DLC1: variants seen among roughly 807,000 people sequenced by gnomAD.
DLC1 encodes rho GTPase-activating protein 7.
In DLC1, 54 loss-of-function variants were observed where a neutral mutation model predicts 140.3. The observed-to-expected ratio is 0.38, with a 90% CI of 0.31 to 0.48. The LOEUF is 0.48. Among genes scored for constraint, DLC1 ranks in the 20% least tolerant of loss-of-function variants. DLC1 has a pLI of 0.96. For missense variants in DLC1, 2,536 were observed against 1,907.0 expected, an observed-to-expected ratio of 1.33 and a Z score of -6.14; for synonymous variants, 986 against 728.1, an observed-to-expected ratio of 1.35 and a Z score of -5.70.
intron 5 of DLC1, among the ~76,000 whole-genome samples, chr8:13,250,898 A>AT (rs1829974580): frequency 6.6e-6 from 1 of 152,150 alleles, no homozygotes; most frequent in Non-Finnish European, 1.5e-5. Flanking sequence ...AGAATAATGG[A>AT]TAAGGCTTTA....
chr8:13,216,239 G>T (rs191444151), intron 5 of DLC1, among the ~76,000 whole-genome samples: 61 of 152,168 alleles, frequency 4.0e-4, no homozygotes, highest in Non-Finnish European at 7.4e-4. Context: ...TTACACCAAA[G>T]GTCTCATTTG....
At chr8:13,522,347 G>T (rs891312874) in intron 1 of DLC1, among the ~76,000 whole-genome samples, 1 of 151,966 alleles carries the variant, frequency 6.6e-6, no homozygotes, top group African/African-American at 2.4e-5. Context: ...ACATAAGTCT[G>T]GGAGCGGTGG....
At chr8:13,561,216 G>C (rs916159886) in intron 1 of DLC1, among the ~76,000 whole-genome samples, 1 of 150,538 alleles carries the variant, frequency 6.6e-6, no homozygotes, top group Non-Finnish European at 1.5e-5. Context: ...TCGTACTTCT[G>C]ACCAGCAATC....
intron 4 of DLC1, among the ~76,000 whole-genome samples, chr8:13,316,137 C>A (rs1290651463): frequency 1.3e-5 from 2 of 152,174 alleles, no homozygotes; most frequent in Admixed American, 1.3e-4. Context: ...GGACAGCTAA[C>A]CCTTTCTGAT....
At chr8:13,571,370 C>T (rs1173535924) in intron 1 of DLC1, among the ~76,000 whole-genome samples, 1 of 152,130 alleles carries the variant, frequency 6.6e-6, no homozygotes, top group East Asian at 1.9e-4. Flanking sequence ...ACTCCCCATT[C>T]TCCTCTCCCC....
At chr8:13,114,764 C>G (rs535593933) in intron 6 of DLC1, among the ~76,000 whole-genome samples, 2 of 152,042 alleles carry the variant, frequency 1.3e-5, no homozygotes, top group South Asian at 4.1e-4. Context: ...ATGCTCATTA[C>G]CATGAAGGAT....
intron 5 of DLC1, among the ~76,000 whole-genome samples, chr8:13,201,910 G>T (rs1403205367): frequency 2.1e-5 from 3 of 143,040 alleles, no homozygotes; most frequent in Non-Finnish European, 3.0e-5. Flanking sequence ...ACTAAGTCTA[G>T]TACCCAAAAG....
chr8:13,250,807 A>G (rs990418102), intron 5 of DLC1, among the ~76,000 whole-genome samples: 1 of 152,204 alleles, frequency 6.6e-6, no homozygotes, highest in African/African-American at 2.4e-5. Flanking sequence ...ACTTTAGTCC[A>G]CATCTTCCCA....
chr8:13,591,158 T>C (rs191286192), intron 1 of DLC1, among the ~76,000 whole-genome samples: 2 of 152,190 alleles, frequency 1.3e-5, no homozygotes, highest in South Asian at 2.1e-4. Context: ...TTTAGGGAGA[T>C]ATTAAAAATA....
intron 5 of DLC1, among the ~76,000 whole-genome samples, chr8:13,229,480 G>T (rs1828945977): frequency 6.6e-6 from 1 of 152,070 alleles, no homozygotes; most frequent in East Asian, 1.9e-4. Context: ...ATGGGTATAT[G>T]GTTTCTTTTT....
At chr8:13,298,991 T>C (rs762342506) in intron 5 of DLC1, among the ~76,000 whole-genome samples, 1 of 152,240 alleles carries the variant, frequency 6.6e-6, no homozygotes, top group Non-Finnish European at 1.5e-5. Context: ...ACGGATTTCA[T>C]GTTACTCCAT....
chr8:13,120,356 A>AAAATATATAT, intron 5 of DLC1, among the ~76,000 whole-genome samples: 1 of 61,120 alleles, frequency 1.6e-5, no homozygotes, highest in Non-Finnish European at 3.8e-5. Flanking sequence ...AAAAAAAAAA[A>AAAATATATAT]ATATATATAT....
chr8:13,250,507 C>G (rs1829956228), intron 5 of DLC1, among the ~76,000 whole-genome samples: 3 of 152,142 alleles, frequency 2.0e-5, no homozygotes, highest in Admixed American at 2.0e-4. Flanking sequence ...GAGTAAAGTA[C>G]TTACTTTAAT....
At chr8:13,406,885 T>C in intron 2 of DLC1, among the ~76,000 whole-genome samples, 1 of 152,218 alleles carries the variant, frequency 6.6e-6, no homozygotes, top group East Asian at 1.9e-4. Context: ...AAAAAGTATT[T>C]AGCTGACTGT....
chr8:13,269,923 TGGGCA>T (rs1830859424), intron 5 of DLC1, among the ~76,000 whole-genome samples: 1 of 145,464 alleles, frequency 6.9e-6, no homozygotes, highest in Non-Finnish European at 1.5e-5. Context: ...AAAAATTAGG[TGGGCA>T]TGGTGGCGGG....
chr8:13,464,333 G>A (rs1585153144), intron 2 of DLC1, among the ~76,000 whole-genome samples: 1 of 152,126 alleles, frequency 6.6e-6, no homozygotes, highest in Admixed American at 6.5e-5. Flanking sequence ...CCATGTGTTA[G>A]TTAGAATTAT....
intron 2 of DLC1, among the ~76,000 whole-genome samples, chr8:13,459,136 C>G (rs1799543388): frequency 6.6e-6 from 1 of 152,194 alleles, no homozygotes; most frequent in Non-Finnish European, 1.5e-5. Context: ...TAAAAATTCT[C>G]TTGAACTTTT....
In DLC1 at chr8:13,514,066, G is replaced by A. The variant is rs866647482; in HGVS notation, c.-126+536C>T. ...TTTTTTTAAATGAACCTTTTAAGCT[G>A]TACAGGAGAAGCTTGACATATGATT... On this transcript the variant is annotated intron_variant, in intron 1 of 17. Transcript: ENST00000276297. Among the ~76,000 whole-genome samples the A allele has an allele frequency of 5.3e-5, 8 of 151,578 alleles. No homozygotes were observed. In the South Asian group the frequency reaches 8.3e-4, roughly 16 times the overall value.
At chr8:13,169,941 G>A (rs890277507) in intron 5 of DLC1, among the ~76,000 whole-genome samples, 2 of 151,938 alleles carry the variant, frequency 1.3e-5, no homozygotes, top group Non-Finnish European at 2.9e-5. Context: ...GATCACTTGA[G>A]TCTGGGAGGT....
Sources: allele counts gnomAD v4.1 joint callset (sites outside exome capture counted in the v4.1 genomes callset), GRCh38; gene constraint gnomAD v4.1.1; transcripts MANE v1.5; gene names NCBI Gene and HGNC (gene_info 2026-07-23, HGNC 2026-07-21).